RBMS3: variants seen among roughly 807,000 people sequenced by gnomAD.
The protein encoded by RBMS3 is RNA binding motif single stranded interacting protein 3.
In RBMS3, 27 loss-of-function variants were observed where a neutral mutation model predicts 66.8. The observed-to-expected ratio is 0.40, with a 90% CI of 0.30 to 0.56. RBMS3 has a LOEUF of 0.56. RBMS3 is among the 20% of genes least tolerant of loss of function. The pLI, the probability that RBMS3 is intolerant of heterozygous loss-of-function variation, is 0.40. For missense variants in RBMS3, 513 were observed against 549.5 expected (o/e 0.93, Z 0.66); for synonymous variants, 188 against 183.0 (o/e 1.03, Z -0.22).
chr3:29,476,407 T>C (rs921973872), intron 2 of RBMS3, among the ~76,000 whole-genome samples: 3 of 152,188 alleles, frequency 2.0e-5, no homozygotes, highest in Non-Finnish European at 2.9e-5. Flanking sequence ...ATTTTTAAAG[T>C]TCTCTGGATT....
intron 4 of RBMS3, among the ~76,000 whole-genome samples, chr3:29,603,638 A>G (rs369316435): frequency 6.6e-6 from 1 of 151,886 alleles, no homozygotes; most frequent in Non-Finnish European, 1.5e-5. Flanking sequence ...AGCTTCCTTT[A>G]TTGATTCATT....
chr3:29,626,427 A>C (rs1426496289), intron 4 of RBMS3, among the ~76,000 whole-genome samples: 1 of 152,212 alleles, frequency 6.6e-6, no homozygotes, highest in African/African-American at 2.4e-5. Flanking sequence ...CTGGATATCA[A>C]TATTAGCCAT....
intron 12 of RBMS3, among the ~76,000 whole-genome samples, chr3:29,947,466 A>G (rs1400931247): frequency 3.3e-5 from 5 of 151,614 alleles, no homozygotes; most frequent in Non-Finnish European, 5.9e-5. Context: ...TAAAGCAGAA[A>G]TGGTGATGTT....
At chr3:29,384,435 T>TAATAATAATAATAATAAGAAG (rs776357215) in intron 1 of RBMS3, among the ~76,000 whole-genome samples, 106 of 141,100 alleles carry the variant, frequency 7.5e-4, no homozygotes, top group Middle Eastern at 3.5e-3. Context: ...ATAATAATAA[T>TAATAATAATAATAATAAGAAG]AAGAAGAAGA....
intron 1 of RBMS3, among the ~76,000 whole-genome samples, chr3:29,322,190 T>C (rs2035047798): frequency 6.6e-6 from 1 of 152,168 alleles, no homozygotes; most frequent in South Asian, 2.1e-4. Flanking sequence ...TTTTCTACCG[T>C]CTGGCTTATT....
intron 4 of RBMS3, among the ~76,000 whole-genome samples, chr3:29,681,311 C>T (rs2051482471): frequency 6.6e-6 from 1 of 152,214 alleles, no homozygotes; most frequent in African/African-American, 2.4e-5. Context: ...TAAATAGCCT[C>T]ATGCTGACTG....
chr3:29,947,249 A>T (rs1695386671), intron 12 of RBMS3, among the ~76,000 whole-genome samples: 1 of 151,554 alleles, frequency 6.6e-6, no homozygotes, highest in African/African-American at 2.4e-5. Context: ...AAGTGACAGA[A>T]GTTAAGGGAG....
intron 5 of RBMS3, among the ~76,000 whole-genome samples, chr3:29,743,507 A>G (rs1576672957): frequency 6.6e-6 from 1 of 152,144 alleles, no homozygotes; most frequent in Non-Finnish European, 1.5e-5. Context: ...CCTGCCCCCA[A>G]TCTACCGAAT....
At chr3:29,915,070 G>A (rs977060025) in intron 10 of RBMS3, among the ~76,000 whole-genome samples, 1 of 151,396 alleles carries the variant, frequency 6.6e-6, no homozygotes, top group African/African-American at 2.4e-5. Context: ...CTGTCTCATT[G>A]TTAAGTCATT....
At chr3:29,874,208 G>A (rs779976665) in intron 7 of RBMS3, among the ~76,000 whole-genome samples, 33 of 152,144 alleles carry the variant, frequency 2.2e-4, no homozygotes, top group Middle Eastern at 3.4e-3. Flanking sequence ...AGGCATATGG[G>A]GTGCAATTGA....
At position 29,673,300 on chromosome 3, in the gene RBMS3, G is replaced by C. The variant is rs796689188; in HGVS notation, c.400-66420G>C. 5.3e-5 allele frequency among the ~76,000 whole-genome samples: 8 copies of C among 152,280 alleles called. 1 individual carries two copies. Among genetic ancestry groups the C allele is most frequent in the African/African-American group, 1.9e-4 (8 of 41,560 alleles). On this transcript the variant is annotated intron_variant, in intron 4 of 14. Coordinates refer to ENST00000383767, the MANE Select transcript of RBMS3 (RefSeq NM_001003793.3). ...AATGCCCACAAGAGAAAGCAGGAAA[G>C]ATCTAAAATCAACACCCTAAAATCA...
chr3:29,790,993 G>T (rs1267014763), intron 6 of RBMS3, among the ~76,000 whole-genome samples: 1 of 152,152 alleles, frequency 6.6e-6, no homozygotes, highest in Non-Finnish European at 1.5e-5. Flanking sequence ...TGTTAAATTT[G>T]GTGGGAGATG....
chr3:29,394,230 A>G (rs919116132), intron 1 of RBMS3, among the ~76,000 whole-genome samples: 1 of 152,182 alleles, frequency 6.6e-6, no homozygotes, highest in Admixed American at 6.5e-5. Flanking sequence ...TAATTCAGCA[A>G]TATTTCTCCT....
At chr3:29,789,828 G>A (rs902402854) in intron 6 of RBMS3, among the ~76,000 whole-genome samples, 1 of 152,058 alleles carries the variant, frequency 6.6e-6, no homozygotes, top group Admixed American at 6.6e-5. Flanking sequence ...ATTTTCTGGA[G>A]GAAACTTTCA....
At chr3:29,867,451 G>A (rs184925218) in intron 6 of RBMS3, among the ~76,000 whole-genome samples, 63 of 144,604 alleles carry the variant, frequency 4.4e-4, no homozygotes, top group Non-Finnish European at 7.3e-4. Context: ...TACCACTACC[G>A]ATCTTGGATG....
intron 1 of RBMS3, among the ~76,000 whole-genome samples, chr3:29,390,620 G>A (rs73828632): frequency 0.04 from 6,048 of 152,174 alleles, 237 homozygotes; most frequent in African/African-American, 0.1. Context: ...TTTCTGAAGA[G>A]CCCCATGGTT....
At chr3:29,583,199 T>A (rs1023967759) in intron 3 of RBMS3, among the ~76,000 whole-genome samples, 1 of 152,104 alleles carries the variant, frequency 6.6e-6, no homozygotes, top group Non-Finnish European at 1.5e-5. Flanking sequence ...ATGTCCTCCG[T>A]TCAGATTGAA....
At chr3:29,316,614 G>A (rs541841039) in intron 1 of RBMS3, among the ~76,000 whole-genome samples, 1 of 151,478 alleles carries the variant, frequency 6.6e-6, no homozygotes, top group Non-Finnish European at 1.5e-5. Flanking sequence ...GAGTTTAGGT[G>A]GGTCTGTCCT....
At chr3:29,292,963 G>C (rs1346265775) in intron 1 of RBMS3, among the ~76,000 whole-genome samples, 1 of 151,824 alleles carries the variant, frequency 6.6e-6, no homozygotes, top group Non-Finnish European at 1.5e-5. Flanking sequence ...TCCTGTAGTT[G>C]AGACTTTTGG....
Sources: gnomAD v4.1 joint callset for allele counts (sites outside exome capture counted in the v4.1 genomes callset) on GRCh38, gnomAD v4.1.1 for gene constraint, MANE v1.5 for transcripts, NCBI Gene and HGNC (gene_info 2026-07-23, HGNC 2026-07-21) for gene names.